Variants in REPS2 observed in about 807,000 individuals in gnomAD.
The protein encoded by REPS2 is ralBP1-associated Eps domain-containing protein 2.
In REPS2, 23 loss-of-function variants were observed where a neutral mutation model predicts 53.6. The ratio of observed to expected loss-of-function variants is 0.43; its 90% CI spans 0.31 to 0.61. The LOEUF (loss-of-function observed/expected upper bound fraction) is 0.61, where lower values mean the gene tolerates loss of function less well. Among genes scored for constraint, REPS2 ranks in the 20% least tolerant of loss-of-function variants. The pLI, the probability that REPS2 is intolerant of heterozygous loss-of-function variation, is 0.11. For missense variants in REPS2, 446 were observed against 534.9 expected, an observed-to-expected ratio of 0.83 and a Z score of 1.64; for synonymous variants, 238 against 218.6, an observed-to-expected ratio of 1.09 and a Z score of -0.78.
intron 1 of REPS2, among the ~76,000 whole-genome samples, chrX:16,967,946 G>A (rs956308472): frequency 6.4e-5 from 7 of 109,814 alleles, no homozygotes; most frequent in Non-Finnish European, 9.5e-5. Context: ...AGATAAACAA[G>A]TGAACAAAGG....
chrX:16,967,785 G>A (rs1213214612), intron 1 of REPS2, among the ~76,000 whole-genome samples: 1 of 109,094 alleles, frequency 9.2e-6, no homozygotes, highest in Non-Finnish European at 1.9e-5. Flanking sequence ...TTGATGTCAT[G>A]TACTATGGCA....
chrX:17,116,811 T>C (rs2063062556), intron 14 of REPS2, among the ~76,000 whole-genome samples: 1 of 112,486 alleles, frequency 8.9e-6, no homozygotes, highest in South Asian at 3.7e-4. Flanking sequence ...TAACTTGTTC[T>C]ATTTTTGTTT....
intron 1 of REPS2, among the ~76,000 whole-genome samples, chrX:16,975,843 A>G (rs1397716527): frequency 2.7e-5 from 3 of 112,439 alleles, no homozygotes; most frequent in Non-Finnish European, 3.8e-5. Context: ...ATTTTCTACT[A>G]TGGAAATAAT....
chrX:17,006,534 A>G lies in REPS2; in HGVS notation c.397+190A>G, dbSNP rs138277091. Among the ~76,000 whole-genome samples the G allele has an allele frequency of 7.9e-3, 885 of 111,944 alleles. 13 individuals are homozygous for G. The highest frequency in any genetic ancestry group is 0.028 in the African/African-American group (860 of 30,750). On this transcript the variant is annotated intron_variant, in intron 2 of 17. Transcript: ENST00000357277. ...TTTTTTAAATGGGGAAAATTCTGAG[A>G]GTAACCTGAGATTAGTTCATTTTAA... is the stretch of plus-strand genomic sequence containing the variant.
intron 2 of REPS2, among the ~76,000 whole-genome samples, chrX:17,008,054 C>T (rs2061384120): frequency 8.9e-6 from 1 of 112,185 alleles, no homozygotes. Flanking sequence ...AAATATTGGA[C>T]TTGAAAGGCA....
intron 14 of REPS2, among the ~76,000 whole-genome samples, chrX:17,107,377 T>C (rs1002546690): frequency 2.4e-4 from 27 of 112,301 alleles, no homozygotes; most frequent in Non-Finnish European, 4.5e-4. Context: ...ATTTGAAAAC[T>C]ACTATTCTCA....
At chrX:17,084,282 C>A (rs1307893486) in intron 13 of REPS2, among the ~76,000 whole-genome samples, 1 of 112,223 alleles carries the variant, frequency 8.9e-6, no homozygotes, top group African/African-American at 3.2e-5. Flanking sequence ...AATAATCTTT[C>A]ATTGTATGGA....
intron 2 of REPS2, among the ~76,000 whole-genome samples, chrX:17,015,585 C>T (rs1277521733): frequency 9.2e-6 from 1 of 108,512 alleles, no homozygotes; most frequent in African/African-American, 3.4e-5. Flanking sequence ...CAACAGTCCC[C>T]GGTGTGTGAT....
At chrX:17,033,181 G>T (rs1475817102) in intron 5 of REPS2, among the ~76,000 whole-genome samples, 1 of 111,706 alleles carries the variant, frequency 9.0e-6, no homozygotes, top group African/African-American at 3.3e-5. Flanking sequence ...TGTCTTTATT[G>T]TCTCCTTGGC....
chrX:16,986,796 A>T (rs1214008869), intron 1 of REPS2, among the ~76,000 whole-genome samples: 2 of 111,183 alleles, frequency 1.8e-5, no homozygotes, highest in South Asian at 7.7e-4. Flanking sequence ...AAAGTCCCAC[A>T]TCCCAGGAAC....
In REPS2 at chrX:16,956,284, G is replaced by GTTTT. The variant is rs869259012; in HGVS notation, c.273+9182_273+9185dup. Reference sequence around the variant, plus strand: ...TGCATGTAAGCAAAAAACCACAGCAGTTTTTTTTTTTTTTTTTTTTTTTTT... The same window carrying GTTTT: ...TGCATGTAAGCAAAAAACCACAGCAGTTTTTTTTTTTTTTTTTTTTTTTTTTTTT... On this transcript the variant is annotated intron_variant, in intron 1 of 17. Transcript: ENST00000357277. 1.1e-3 allele frequency among the ~76,000 whole-genome samples: 27 copies of GTTTT among 24,757 alleles called. 1 individual carries two copies. The highest frequency in any genetic ancestry group is 0.01 in the South Asian group (2 of 198). The allele number at this position is 24,757 out of a possible 115,157, so 21.5% of individuals were successfully genotyped here.
In REPS2 at chrX:17,101,263, T is replaced by C. The variant is rs377514233; in HGVS notation, c.1517-2455T>C. The stretch of plus-strand genomic sequence containing the variant: ...ATTTTTAGTAGAGATGGGGTTTCAC[T>C]GTGTTAGCCAGGATGGTCTCGATCT... On this transcript the variant is annotated intron_variant, in intron 13 of 17. Coordinates refer to ENST00000357277, the MANE Select transcript of REPS2 (RefSeq NM_004726.3). Among the ~76,000 whole-genome samples, 186 of 109,229 alleles carry C rather than the reference T, an allele frequency of 1.7e-3. 1 individual carries two copies. The highest frequency in any genetic ancestry group is 3.4e-3 in the African/African-American group (103 of 30,040). 94.9% of individuals were successfully genotyped at this position (109,229 alleles called of 115,157 possible).
At chrX:17,096,659 C>CAAAAA (rs1181603042) in intron 13 of REPS2, among the ~76,000 whole-genome samples, 8 of 17,231 alleles carry the variant, frequency 4.6e-4, no homozygotes, top group Non-Finnish European at 8.3e-4. Flanking sequence ...GACTCCGTCT[C>CAAAAA]AAAAAAAAAA....
chrX:17,154,029 T>G (rs1422866967), downstream of REPS2, among the ~76,000 whole-genome samples: 2 of 111,605 alleles, frequency 1.8e-5, no homozygotes, highest in Non-Finnish European at 3.8e-5. Context: ...TGCAAATTCT[T>G]GCCACCCCTG....
chrX:17,072,162 G>C (rs1227940630), intron 11 of REPS2, among the ~76,000 whole-genome samples: 1 of 111,920 alleles, frequency 8.9e-6, no homozygotes, highest in African/African-American at 3.3e-5. Context: ...CACCTCCTTT[G>C]CTGTCCTAGA....
intron 17 of REPS2, among the ~76,000 whole-genome samples, chrX:17,144,026 T>G (rs1293238350): frequency 8.9e-6 from 1 of 112,776 alleles, no homozygotes; most frequent in Non-Finnish European, 1.9e-5. Context: ...AACTCTGAGC[T>G]TCACTGTCTG....
At chrX:17,141,839 A>G (rs1202604739) in intron 17 of REPS2, among the ~76,000 whole-genome samples, 1 of 112,711 alleles carries the variant, frequency 8.9e-6, no homozygotes, top group African/African-American at 3.2e-5. Flanking sequence ...TCTCCAAAGT[A>G]GTCTATAGAT....
intron 1 of REPS2, among the ~76,000 whole-genome samples, chrX:16,999,496 C>T (rs750053620): frequency 2.8e-5 from 3 of 106,662 alleles, no homozygotes; most frequent in South Asian, 8.5e-4. Context: ...AGAATGCTGA[C>T]AAATCAGATC....
At chrX:17,178,573 C>G in the REPS2 span, among the ~76,000 whole-genome samples, 1 of 111,990 alleles carries the variant, frequency 8.9e-6, no homozygotes, top group Non-Finnish European at 1.9e-5. Flanking sequence ...CCCTAGACCC[C>G]TTGTCTTTAA....
Sources: allele counts gnomAD v4.1 joint callset (sites outside exome capture counted in the v4.1 genomes callset), GRCh38; gene constraint gnomAD v4.1.1; transcripts MANE v1.5; gene names NCBI Gene and HGNC (gene_info 2026-07-23, HGNC 2026-07-21).